The following CCDC40 variants were observed in gnomAD, a reference collection of about 807,000 sequenced individuals.
CCDC40 encodes coiled-coil domain 40 molecular ruler complex subunit.
A neutral mutation model predicts 124.5 loss-of-function variants in CCDC40; 104 were observed. The ratio of observed to expected loss-of-function variants is 0.84; its 90% CI spans 0.71 to 0.98. The LOEUF (loss-of-function observed/expected upper bound fraction) is 0.98, where lower values mean the gene tolerates loss of function less well. Among genes scored for constraint, CCDC40 ranks in the 50% least tolerant of loss-of-function variants. CCDC40 has a pLI of 0.00. For missense variants in CCDC40, 1,463 were observed against 1,503.9 expected, an observed-to-expected ratio of 0.97 and a Z score of 0.45; for synonymous variants, 580 against 602.9, an observed-to-expected ratio of 0.96 and a Z score of 0.56.
intron 17 of CCDC40, among the ~76,000 whole-genome samples, chr17:80,091,824 G>C (rs1229946773): frequency 3.3e-5 from 5 of 151,954 alleles, no homozygotes; most frequent in Non-Finnish European, 7.4e-5. Context: ...CTAGGTCAAA[G>C]GGTGTATAAA....
intron 9 of CCDC40, among the ~76,000 whole-genome samples, chr17:80,064,188 A>G (rs777474832): frequency 3.9e-5 from 6 of 152,182 alleles, no homozygotes; most frequent in Non-Finnish European, 5.9e-5. Context: ...ACAGCCAAGC[A>G]TGGTGTCTCC....
chr17:80,047,038 G>A (rs892433449), intron 3 of CCDC40, among the ~76,000 whole-genome samples: 3 of 152,136 alleles, frequency 2.0e-5, no homozygotes, highest in Non-Finnish European at 4.4e-5. Flanking sequence ...TAGAGACGGG[G>A]TTTCGCCATG....
chr17:80,038,391 C>T (rs1377314280), intron 2 of CCDC40, among the ~76,000 whole-genome samples: 1 of 151,960 alleles, frequency 6.6e-6, no homozygotes, highest in Non-Finnish European at 1.5e-5. Context: ...ATTAGCCGGG[C>T]GTGGTGGTGC....
intron 3 of CCDC40, among the ~76,000 whole-genome samples, chr17:80,045,716 A>AACT (rs1286328607): frequency 6.7e-6 from 1 of 149,468 alleles, no homozygotes; most frequent in Non-Finnish European, 1.5e-5. Context: ...AAACAACAAC[A>AACT]ACTACAAAAA....
chr17:80,089,997 G>A (rs969266492), intron 17 of CCDC40, 113 bp downstream of exon 17: 26 of 1,540,694 alleles, frequency 1.7e-5, no homozygotes, highest in Non-Finnish European at 2.3e-5. Context: ...GAACCACACT[G>A]GCCACATTGG....
Position 80,087,587 on chromosome 17 carries a change from G to A in CCDC40, c.2450-20G>A. 1 of 1,612,938 alleles carries A rather than the reference G, an allele frequency of 6.2e-7. No individual in the cohort carries two copies. The highest frequency in any genetic ancestry group is 8.5e-7 in the Non-Finnish European group (1 of 1,178,980). On this transcript the variant is annotated intron_variant, in intron 14 of 19. Transcript: ENST00000397545. This position sits in a 1 kb window ranked among gnomAD's most constrained non-coding sequence, Gnocchi z 4.5. ...GTACCCTCCTGGGGTCTCTCCCTGA[G>A]TCTCTGTTTTCTGCCATAGGCAAGA...
At chr17:80,065,809 G>A (rs992191299) in intron 10 of CCDC40, among the ~76,000 whole-genome samples, 5 of 152,230 alleles carry the variant, frequency 3.3e-5, no homozygotes, top group Admixed American at 3.3e-4. Flanking sequence ...CAACACTGCG[G>A]CGCTGGGAGG....
At chr17:80,091,190 C>G (rs1377422477) in intron 17 of CCDC40, among the ~76,000 whole-genome samples, 1 of 152,060 alleles carries the variant, frequency 6.6e-6, no homozygotes, top group Non-Finnish European at 1.5e-5. Flanking sequence ...ATTTATTGAT[C>G]CAGTCCCAGG....
chr17:80,069,260 TG>T (rs886163166), intron 10 of CCDC40, among the ~76,000 whole-genome samples: 11 of 146,848 alleles, frequency 7.5e-5, no homozygotes, highest in Non-Finnish European at 1.2e-4. Context: ...TGCTGCTGCG[TG>T]GGGGGGGCGG....
chr17:80,058,493 G>A lies in CCDC40; in HGVS notation c.1160-1G>A. On this transcript the variant is annotated splice_acceptor_variant, in intron 7 of 19. Coordinates refer to ENST00000397545, the MANE Select transcript of CCDC40 (RefSeq NM_017950.4). LOFTEE classifies it high-confidence loss of function. The surrounding 1 kb of genome is among the most constrained non-coding windows in gnomAD (Gnocchi z 4.2). Reference sequence around the variant, plus strand: ...TCTTTCTCCCCCGCCGCGCCCCGCAGTGGCGGCTCTGCAGACTGAGATGGA... The same window carrying A: ...TCTTTCTCCCCCGCCGCGCCCCGCAATGGCGGCTCTGCAGACTGAGATGGA... The A allele has an allele frequency of 6.2e-7, 1 of 1,613,940 alleles. No homozygotes were observed. The highest frequency in any genetic ancestry group is 8.5e-7 in the Non-Finnish European group (1 of 1,179,982).
At chr17:80,052,740 A>G (rs182706699) in intron 7 of CCDC40, among the ~76,000 whole-genome samples, 170 of 152,306 alleles carry the variant, frequency 1.1e-3, no homozygotes, top group African/African-American at 3.9e-3. Context: ...AGGACGTTGT[A>G]TCCGTAAAGA....
intron 7 of CCDC40, among the ~76,000 whole-genome samples, chr17:80,057,219 T>A (rs68137473): frequency 6.6e-6 from 1 of 151,214 alleles, no homozygotes; most frequent in Admixed American, 6.6e-5. Flanking sequence ...TCCTGAGTAG[T>A]TGGGATTACG....
chr17:80,085,549 G>A (rs915367295), intron 13 of CCDC40, among the ~76,000 whole-genome samples: 4 of 152,142 alleles, frequency 2.6e-5, no homozygotes, highest in Non-Finnish European at 2.9e-5. Flanking sequence ...TGTGGCTTGC[G>A]GCCCTGCTGA....
rs903222624 is a variant in CCDC40 at position 80,100,473 on chromosome 17, C to T, written c.*698C>T. 7 of 152,600 alleles carry T rather than the reference C, an allele frequency of 4.6e-5. No individual in the cohort carries two copies. The highest frequency in any genetic ancestry group is 1.7e-4 in the African/African-American group (7 of 41,450). 9.5% of individuals were successfully genotyped at this position (152,600 alleles called of 1,614,324 possible). ...ACCTATCTTTTCTCCATCATTAACC[C>T]AGCGCTCTTTCTCCCTGGACTTCCA... is the stretch of plus-strand genomic sequence containing the variant. On this transcript the variant is annotated 3_prime_UTR_variant, in exon 20 of 20. Transcript: ENST00000397545.
At chr17:80,037,690 G>GATTATATATATATATATAT (rs1555889146) in intron 1 of CCDC40, among the ~76,000 whole-genome samples, 15 of 92,088 alleles carry the variant, frequency 1.6e-4, no homozygotes, top group South Asian at 3.5e-4. Flanking sequence ...TTTTAAAAAA[G>GATTATATATATATATATAT]ATATACATAT....
At position 80,058,555 on chromosome 17, in the gene CCDC40, C is replaced by T. The variant is rs760734578; in HGVS notation, c.1221C>T (p.Ile407=). The change falls in exon 8 of 20, where the codon ATC becomes ATT. Residue 407 remains isoleucine, a synonymous_variant. Coordinates refer to ENST00000397545, the MANE Select transcript of CCDC40 (RefSeq NM_017950.4). This position sits in a 1 kb window ranked among gnomAD's most constrained non-coding sequence, Gnocchi z 4.2. The part of the protein sequence containing the change: ...LALHLFYMQN[I]DQDMRDDIRV... Reference sequence around the variant, plus strand: ...TGCATCTCTTCTACATGCAGAACATCGACCAGGACATGCGTGACGACATCC... The same window carrying T: ...TGCATCTCTTCTACATGCAGAACATTGACCAGGACATGCGTGACGACATCC... 5.3e-5 allele frequency: 86 copies of T among 1,613,978 alleles called. No individual in the cohort carries two copies. Among genetic ancestry groups the T allele is most frequent in the African/African-American group, 2.5e-4 (19 of 74,920 alleles).
At chr17:80,082,473 G>A (rs993086165) in intron 12 of CCDC40, among the ~76,000 whole-genome samples, 17 of 151,788 alleles carry the variant, frequency 1.1e-4, no homozygotes, top group African/African-American at 3.6e-4. Context: ...GCCTCTTCCC[G>A]AGGGGTGACC....
chr17:80,086,354 G>T lies in CCDC40; in HGVS notation c.2449+138G>T, dbSNP rs1568711384. 2 of 717,308 alleles carry T rather than the reference G, an allele frequency of 2.8e-6. No individual in the cohort carries two copies. Among genetic ancestry groups the T allele is most frequent in the South Asian group, 1.6e-5 (1 of 64,374 alleles). The allele number at this position is 717,308 out of a possible 1,614,324, so 44.4% of individuals were successfully genotyped here. A position where few individuals can be genotyped will look rare whatever the true frequency, so the allele number is the denominator to read the frequency against. ...TTAAAAGCAAATAACAAACGCGCATGCTCCCTGTATTTTGTAAATGTGAAC... is the reference window on the plus strand; with the variant it reads ...TTAAAAGCAAATAACAAACGCGCATTCTCCCTGTATTTTGTAAATGTGAAC... On this transcript the variant is annotated intron_variant, in intron 14 of 19. Coordinates refer to ENST00000397545, the MANE Select transcript of CCDC40 (RefSeq NM_017950.4). The surrounding 1 kb of genome is among the most constrained non-coding windows in gnomAD (Gnocchi z 5.5).
intron 9 of CCDC40, 83 bp downstream of exon 9, chr17:80,059,063 C>T (rs2037828061): frequency 3.9e-6 from 6 of 1,541,046 alleles, no homozygotes; most frequent in South Asian, 2.2e-5. Context: ...TACTAGACTG[C>T]ACCTGCCCGT....
Sources: allele counts gnomAD v4.1 joint callset (sites outside exome capture counted in the v4.1 genomes callset), GRCh38; gene constraint gnomAD v4.1.1; non-coding constraint Gnocchi (gnomAD v3.1); transcripts MANE v1.5; gene names NCBI Gene and HGNC (gene_info 2026-07-23, HGNC 2026-07-21).